Variants in HERC4 observed in about 807,000 individuals in gnomAD.
HERC4 encodes HECT and RLD domain containing E3 ubiquitin protein ligase 4, also known as probable E3 ubiquitin-protein ligase HERC4.
A neutral mutation model predicts 124.3 loss-of-function variants in HERC4; 28 were observed. That is an observed-to-expected ratio of 0.23 (90% confidence interval 0.17 to 0.31). The LOEUF is 0.31. HERC4 is among the 10% of genes least tolerant of loss of function. HERC4 has a pLI of 1.00. For synonymous variants in HERC4, 407 were observed against 421.5 expected, an observed-to-expected ratio of 0.97 and a Z score of 0.42; for missense variants, 713 against 1,229.3, an observed-to-expected ratio of 0.58 and a Z score of 6.28.
chr10:67,998,796 T>C (rs568977393), intron 9 of HERC4, among the ~76,000 whole-genome samples: 2 of 152,186 alleles, frequency 1.3e-5, no homozygotes, highest in South Asian at 4.2e-4. Flanking sequence ...TTAAGTGCAA[T>C]GGTGCAATCT....
Position 67,941,027 on chromosome 10 carries a change from G to A in HERC4, c.2416C>T (p.Leu806Phe). 1 of 1,610,314 alleles carries A rather than the reference G, an allele frequency of 6.2e-7. No homozygotes were observed. Reference protein sequence around the residue: ...LAIYNCTIVDLHFPLALYKKL... With the variant: ...LAIYNCTIVDFHFPLALYKKL... The stretch of plus-strand genomic sequence containing the variant: ...TTATATAAAGCCAAAGGAAAATGGA[G>A]GTCCACAATGGTACAATTATAAATT... The change falls in exon 20 of 25, where the codon CTC becomes TTC. Residue 806 changes from leucine (L) to phenylalanine (F), a missense_variant. Physicochemically the swap from Leu to Phe is conservative, Grantham distance 22. Transcript: ENST00000373700.
rs151272960 is a variant in HERC4 at position 67,929,716 on chromosome 10, T to C, written c.2838+2881A>G. On this transcript the variant is annotated intron_variant, in intron 23 of 24. Transcript: ENST00000373700. ...TTTTTGTAGAGACAGGGTTTTATCA[T>C]GTTGTCCAGGCTGGTCTTGAACTCC... Among the ~76,000 whole-genome samples, 20 of 152,154 alleles carry C rather than the reference T, an allele frequency of 1.3e-4. No homozygotes were observed. The East Asian group carries it at 3.9e-3, about 29-fold the overall frequency.
At chr10:67,971,237 T>A (rs536552113) in intron 15 of HERC4, among the ~76,000 whole-genome samples, 1 of 152,222 alleles carries the variant, frequency 6.6e-6, no homozygotes, top group Non-Finnish European at 1.5e-5. Flanking sequence ...AATACCAATC[T>A]TAATCAAACT....
chr10:68,069,343 A>G (rs2041455453), intron 3 of HERC4: 1 of 984,330 alleles, frequency 1.0e-6, no homozygotes, highest in Non-Finnish European at 1.2e-6. Flanking sequence ...AGAAAAAAAC[A>G]TGAAAGTGAA....
intron 19 of HERC4, among the ~76,000 whole-genome samples, chr10:67,946,671 G>A (rs372949748): frequency 2.0e-5 from 3 of 152,242 alleles, no homozygotes; most frequent in African/African-American, 7.2e-5. Flanking sequence ...CACTTTGGGA[G>A]GCCGAGGTGG....
At chr10:68,052,217 A>G (rs1236801115) in intron 3 of HERC4, among the ~76,000 whole-genome samples, 1 of 152,194 alleles carries the variant, frequency 6.6e-6, no homozygotes, top group African/African-American at 2.4e-5. Flanking sequence ...CTTTGTAGAT[A>G]ACGACTTCGA....
At chr10:67,952,188 A>G (rs1002772001) in intron 19 of HERC4, among the ~76,000 whole-genome samples, 5 of 152,178 alleles carry the variant, frequency 3.3e-5, no homozygotes, top group Non-Finnish European at 5.9e-5. Context: ...CCTCACTATA[A>G]TAACTCCCTT....
intron 9 of HERC4, among the ~76,000 whole-genome samples, chr10:67,997,670 T>G (rs1208255517): frequency 6.6e-6 from 1 of 152,196 alleles, no homozygotes; most frequent in Non-Finnish European, 1.5e-5. Context: ...AAAATTAGGC[T>G]TTATTTTTTT....
At chr10:68,040,896 A>G (rs931227133) in intron 4 of HERC4, among the ~76,000 whole-genome samples, 1 of 151,750 alleles carries the variant, frequency 6.6e-6, no homozygotes, top group African/African-American at 2.4e-5. Flanking sequence ...CTCAAAAAAA[A>G]AAAAAAGAAA....
chr10:67,982,208 C>G (rs765068215), intron 15 of HERC4, among the ~76,000 whole-genome samples: 1 of 152,056 alleles, frequency 6.6e-6, no homozygotes, highest in African/African-American at 2.4e-5. Flanking sequence ...TACCTGACTT[C>G]AAATTATAGT....
chr10:68,051,128 C>T (rs565957358), intron 3 of HERC4, among the ~76,000 whole-genome samples: 2 of 140,424 alleles, frequency 1.4e-5, no homozygotes, highest in South Asian at 2.3e-4. Context: ...AAAGAAAAAA[C>T]TTGCCACACA....
chr10:67,967,065 A>G (rs568819494), intron 15 of HERC4, among the ~76,000 whole-genome samples: 18 of 152,344 alleles, frequency 1.2e-4, no homozygotes, highest in Admixed American at 1.2e-3. Flanking sequence ...CGTGTTAGCC[A>G]GGATGGTCTC....
intron 8 of HERC4, among the ~76,000 whole-genome samples, chr10:68,018,093 T>C (rs1208967521): frequency 6.6e-6 from 1 of 151,972 alleles, no homozygotes; most frequent in African/African-American, 2.4e-5. Flanking sequence ...AAAAAAATTA[T>C]AGATCAAGTT....
At chr10:67,939,466 A>C in intron 21 of HERC4, 122 bp downstream of exon 21, 1 of 629,760 alleles carries the variant, frequency 1.6e-6, no homozygotes, top group Non-Finnish European at 2.7e-6. Context: ...AATGCTCAAT[A>C]AATGTTAGCT....
intron 19 of HERC4, among the ~76,000 whole-genome samples, chr10:67,943,920 C>T (rs1039297012): frequency 2.0e-5 from 3 of 152,320 alleles, no homozygotes; most frequent in Admixed American, 6.5e-5. Context: ...GATGCCAGCA[C>T]GGCCACAGTA....
At chr10:67,975,069 G>C (rs1246681989) in intron 15 of HERC4, among the ~76,000 whole-genome samples, 1 of 151,950 alleles carries the variant, frequency 6.6e-6, no homozygotes, top group East Asian at 1.9e-4. Context: ...CACGCCTGTA[G>C]TCCCAGCTAC....
chr10:68,021,423 T>C (rs1364510710), intron 8 of HERC4, among the ~76,000 whole-genome samples: 2 of 152,182 alleles, frequency 1.3e-5, no homozygotes, highest in African/African-American at 4.8e-5. Flanking sequence ...AAGCACTTGC[T>C]TTTCCTGTAA....
At chr10:67,983,447 T>C (rs2036057004) in intron 15 of HERC4, among the ~76,000 whole-genome samples, 1 of 152,068 alleles carries the variant, frequency 6.6e-6, no homozygotes, top group Non-Finnish European at 1.5e-5. Flanking sequence ...CTGTTCACAA[T>C]TGCCAAGATT....
At chr10:67,960,992 C>T (rs937137783) in intron 16 of HERC4, 25 of 356,268 alleles carry the variant, frequency 7.0e-5, no homozygotes, top group Non-Finnish European at 1.1e-4. Context: ...GCGGATTTGG[C>T]GGACCTGTTG....
Sources: gnomAD v4.1 joint callset for allele counts (sites outside exome capture counted in the v4.1 genomes callset) on GRCh38, gnomAD v4.1.1 for gene constraint, MANE v1.5 for transcripts, NCBI Gene and HGNC (gene_info 2026-07-23, HGNC 2026-07-21) for gene names.